Variants in ASTN1 observed in about 807,000 individuals in gnomAD.
The protein encoded by ASTN1 is astrotactin-1.
In ASTN1, 41 loss-of-function variants were observed where a neutral mutation model predicts 140.7. That is an observed-to-expected ratio of 0.29 (90% confidence interval 0.23 to 0.38). The LOEUF (loss-of-function observed/expected upper bound fraction) is 0.38, where lower values mean the gene tolerates loss of function less well. ASTN1 is among the 10% of genes least tolerant of loss of function. The probability of loss-of-function intolerance (pLI) is 1.00; values close to 1 mark genes in which losing one functional copy is unlikely to be tolerated. For missense variants in ASTN1, 1,479 were observed against 1,678.8 expected (o/e 0.88, Z 2.08); for synonymous variants, 640 against 652.2 (o/e 0.98, Z 0.29).
downstream of ASTN1, among the ~76,000 whole-genome samples, chr1:176,858,376 G>A (rs1247115163): frequency 6.6e-6 from 1 of 152,144 alleles, no homozygotes; most frequent in Admixed American, 6.5e-5. Context: ...AATAAAATAG[G>A]AGTTGCTGGT....
At chr1:176,962,435 A>T (rs942794776) in intron 9 of ASTN1, among the ~76,000 whole-genome samples, 1 of 152,236 alleles carries the variant, frequency 6.6e-6, no homozygotes, top group Non-Finnish European at 1.5e-5. Context: ...ACATATATCT[A>T]TTGAAGGCCT....
chr1:176,914,714 C>T (rs759469500), intron 16 of ASTN1, among the ~76,000 whole-genome samples: 2 of 152,096 alleles, frequency 1.3e-5, no homozygotes, highest in African/African-American at 2.4e-5. Flanking sequence ...AATCGTAGAC[C>T]GGAGGGAAAA....
intron 16 of ASTN1, among the ~76,000 whole-genome samples, chr1:176,912,331 T>C (rs1046401899): frequency 6.6e-6 from 1 of 152,240 alleles, no homozygotes; most frequent in Non-Finnish European, 1.5e-5. Flanking sequence ...CAAATGCACA[T>C]GGCTCTGCTT....
chr1:177,112,164 C>T (rs1458969968), intron 1 of ASTN1, among the ~76,000 whole-genome samples: 4 of 152,230 alleles, frequency 2.6e-5, no homozygotes, highest in Non-Finnish European at 5.9e-5. Context: ...TGGAAACCAA[C>T]TTCATAGCAA....
At chr1:176,925,826 T>TG (rs59778718) in intron 16 of ASTN1, among the ~76,000 whole-genome samples, 1 of 151,610 alleles carries the variant, frequency 6.6e-6, no homozygotes, top group Non-Finnish European at 1.5e-5. Context: ...TTTTTTTTTT[T>TG]GAGGAGTCTC....
intron 8 of ASTN1, among the ~76,000 whole-genome samples, chr1:176,974,466 A>G (rs1053877257): frequency 1.3e-5 from 2 of 151,426 alleles, no homozygotes; most frequent in Admixed American, 1.3e-4. Flanking sequence ...ACTCACTACA[A>G]CCTCCGCCTC....
chr1:176,985,845 TAC>T (rs60769752), intron 8 of ASTN1, among the ~76,000 whole-genome samples: 16,754 of 129,400 alleles, frequency 0.13, 926 homozygotes, highest in Admixed American at 0.15. Context: ...TCTCTCTCTC[TAC>T]ACACACACAC....
At chr1:176,999,329 T>C (rs1215928142) in intron 8 of ASTN1, among the ~76,000 whole-genome samples, 1 of 152,210 alleles carries the variant, frequency 6.6e-6, no homozygotes, top group African/African-American at 2.4e-5. Context: ...GCCATGGCCA[T>C]TTATGGAGAC....
intron 5 of ASTN1, 158 bp downstream of exon 5, chr1:177,029,476 T>A: frequency 1.3e-6 from 1 of 798,872 alleles, no homozygotes; most frequent in South Asian, 1.4e-5. Flanking sequence ...TCTTCTTTCT[T>A]CCTTAGGAGG....
intron 2 of ASTN1, among the ~76,000 whole-genome samples, chr1:177,047,468 G>C (rs1181427125): frequency 1.3e-5 from 2 of 152,180 alleles, no homozygotes; most frequent in Non-Finnish European, 2.9e-5. Flanking sequence ...CACCCTGGAA[G>C]TTAGCCTTCT....
At chr1:177,111,579 T>A (rs1680824930) in intron 1 of ASTN1, among the ~76,000 whole-genome samples, 1 of 152,212 alleles carries the variant, frequency 6.6e-6, no homozygotes, top group Admixed American at 6.5e-5. Flanking sequence ...TTCTGCCAGG[T>A]GGCTTCCATG....
intron 1 of ASTN1, among the ~76,000 whole-genome samples, chr1:177,158,365 TA>T (rs1269407950): frequency 6.6e-6 from 1 of 152,208 alleles, no homozygotes; most frequent in East Asian, 1.9e-4. Flanking sequence ...ATAATTTTTT[TA>T]AAGTAATTAA....
At chr1:177,113,148 C>T (rs951075484) in intron 1 of ASTN1, among the ~76,000 whole-genome samples, 1 of 152,148 alleles carries the variant, frequency 6.6e-6, no homozygotes, top group African/African-American at 2.4e-5. Flanking sequence ...CATGAACTCA[C>T]ATGGAGTTCA....
At chr1:176,990,233 A>AG (rs1318036272) in intron 8 of ASTN1, among the ~76,000 whole-genome samples, 1 of 1,642 alleles carries the variant, frequency 6.1e-4, no homozygotes, top group Admixed American at 7.9e-3. Context: ...AAAGCACAGC[A>AG]GGGGTGGGGG....
intron 2 of ASTN1, among the ~76,000 whole-genome samples, chr1:177,049,871 G>A (rs1022965261): frequency 1.3e-5 from 2 of 152,200 alleles, no homozygotes; most frequent in African/African-American, 2.4e-5. Context: ...AGAGGCCGAG[G>A]CTGTTCACTC....
intron 2 of ASTN1, among the ~76,000 whole-genome samples, chr1:177,051,016 G>A (rs545329284): frequency 3.3e-5 from 5 of 152,246 alleles, no homozygotes; most frequent in Admixed American, 6.5e-5. Flanking sequence ...TTGTCAAGTC[G>A]AAGCATAGTT....
chr1:176,976,905 TG>T (rs1673386548), intron 8 of ASTN1: 2 of 152,228 alleles, frequency 1.3e-5, no homozygotes, highest in African/African-American at 4.8e-5. Flanking sequence ...AATCCATCCC[TG>T]TACAAGAAAA....
At chr1:176,942,261 T>C (rs1363869091) in intron 14 of ASTN1, among the ~76,000 whole-genome samples, 2 of 152,176 alleles carry the variant, frequency 1.3e-5, no homozygotes, top group Non-Finnish European at 1.5e-5. Flanking sequence ...AGTATTAGAA[T>C]GCCCATTTTT....
chr1:177,137,604 C>T (rs1682260203), intron 1 of ASTN1, among the ~76,000 whole-genome samples: 1 of 152,184 alleles, frequency 6.6e-6, no homozygotes, highest in Non-Finnish European at 1.5e-5. Context: ...TTCAAGGTCA[C>T]AGTTACCTAG....
Sources: allele counts gnomAD v4.1 joint callset (sites outside exome capture counted in the v4.1 genomes callset), GRCh38; gene constraint gnomAD v4.1.1; transcripts MANE v1.5; gene names NCBI Gene and HGNC (gene_info 2026-07-23, HGNC 2026-07-21).